PCDH7: variants seen among roughly 807,000 people sequenced by gnomAD.
The protein encoded by PCDH7 is protocadherin-7.
A neutral mutation model predicts 58.9 loss-of-function variants in PCDH7; 17 were observed. The observed-to-expected ratio is 0.29, with a 90% CI of 0.20 to 0.43. PCDH7 has a LOEUF of 0.43. Among genes scored for constraint, PCDH7 ranks in the 20% least tolerant of loss-of-function variants. The probability of loss-of-function intolerance (pLI) is 1.00; values close to 1 mark genes in which losing one functional copy is unlikely to be tolerated. For missense variants in PCDH7, 1,274 were observed against 1,441.0 expected (o/e 0.88, Z 1.88); for synonymous variants, 664 against 616.4 (o/e 1.08, Z -1.14).
chr4:30,739,155 A>ATC (rs1716735043), intron 1 of PCDH7, among the ~76,000 whole-genome samples: 1 of 146,062 alleles, frequency 6.8e-6, no homozygotes, highest in African/African-American at 2.5e-5. Context: ...TATTTTATAT[A>ATC]TATATTATAT....
chr4:31,084,003 G>A (rs2109273693), intron 3 of PCDH7, among the ~76,000 whole-genome samples: 1 of 152,142 alleles, frequency 6.6e-6, no homozygotes, highest in African/African-American at 2.4e-5. Context: ...TGTGTTCTGG[G>A]TCAATACTTT....
intron 3 of PCDH7, among the ~76,000 whole-genome samples, chr4:31,093,564 A>G (rs963745676): frequency 6.7e-6 from 1 of 150,136 alleles, no homozygotes; most frequent in Admixed American, 6.7e-5. Flanking sequence ...GAATTTATAG[A>G]AATAAAGTGC....
chr4:31,132,400 A>T (rs2109337786), intron 3 of PCDH7, among the ~76,000 whole-genome samples: 1 of 152,228 alleles, frequency 6.6e-6, no homozygotes, highest in Non-Finnish European at 1.5e-5. Context: ...AGGAGACTTT[A>T]TGTACTATTT....
At chr4:31,113,465 T>C (rs920811608) in intron 3 of PCDH7, among the ~76,000 whole-genome samples, 2 of 152,218 alleles carry the variant, frequency 1.3e-5, no homozygotes, top group African/African-American at 2.4e-5. Flanking sequence ...ATGTAGGACA[T>C]GTTGGTAATA....
intron 3 of PCDH7, among the ~76,000 whole-genome samples, chr4:31,009,857 T>A (rs1021841373): frequency 6.6e-6 from 1 of 151,948 alleles, no homozygotes; most frequent in Non-Finnish European, 1.5e-5. Flanking sequence ...GAGGTAAAGA[T>A]GAATTTTCTA....
intron 1 of PCDH7, among the ~76,000 whole-genome samples, chr4:30,835,212 G>A (rs1179031509): frequency 6.6e-6 from 1 of 151,970 alleles, no homozygotes; most frequent in Non-Finnish European, 1.5e-5. Flanking sequence ...ATTGAGACAG[G>A]GATCCCAACC....
chr4:31,088,702 G>GT (rs1405364478), intron 3 of PCDH7, among the ~76,000 whole-genome samples: 1 of 151,942 alleles, frequency 6.6e-6, no homozygotes, highest in Admixed American at 6.6e-5. Context: ...TTAAAAGAGT[G>GT]TATTTGTTTT....
At chr4:31,010,366 T>G (rs2109150963) in intron 3 of PCDH7, among the ~76,000 whole-genome samples, 1 of 152,100 alleles carries the variant, frequency 6.6e-6, no homozygotes, top group Non-Finnish European at 1.5e-5. Context: ...TGCTTGTTTT[T>G]TGCTTTCTGT....
At chr4:30,852,014 G>A (rs150072002) in intron 1 of PCDH7, among the ~76,000 whole-genome samples, 1 of 152,116 alleles carries the variant, frequency 6.6e-6, no homozygotes, top group African/African-American at 2.4e-5. Context: ...TCAATGGAAA[G>A]CAATAGATAA....
intron 3 of PCDH7, among the ~76,000 whole-genome samples, chr4:31,089,492 A>G (rs981533247): frequency 2.0e-5 from 3 of 152,036 alleles, no homozygotes; most frequent in African/African-American, 7.2e-5. Context: ...TAATCTCTGT[A>G]CTGAAAAGTG....
At chr4:31,053,788 G>A (rs763218453) in intron 3 of PCDH7, among the ~76,000 whole-genome samples, 2 of 151,760 alleles carry the variant, frequency 1.3e-5, no homozygotes, top group African/African-American at 2.4e-5. Context: ...ATTGGAGTTG[G>A]TAGTTACATA....
intron 3 of PCDH7, among the ~76,000 whole-genome samples, chr4:31,036,257 C>T (rs1354099668): frequency 6.6e-6 from 1 of 152,154 alleles, no homozygotes; most frequent in African/African-American, 2.4e-5. Context: ...GCAATCTCAG[C>T]TCACTGCAAC....
intron 3 of PCDH7, among the ~76,000 whole-genome samples, chr4:31,099,004 C>T (rs1167460918): frequency 3.9e-5 from 6 of 152,144 alleles, no homozygotes; most frequent in African/African-American, 1.4e-4. Flanking sequence ...TGGATTAGAG[C>T]CCCACCCTTA....
intron 1 of PCDH7, among the ~76,000 whole-genome samples, chr4:30,898,634 A>G (rs1453192715): frequency 6.6e-6 from 1 of 152,210 alleles, no homozygotes; most frequent in Non-Finnish European, 1.5e-5. Flanking sequence ...TCTGTCGCCC[A>G]GGCTGGAGTG....
At position 30,855,562 on chromosome 4, in the gene PCDH7, A is replaced by T. The variant is rs1399684587; in HGVS notation, c.71-64591A>T. ...TCTCTTGAAATCTGGCTTCTCTGTAACCTGCTGCTACCACATTTACTCTAT... is the reference window on the plus strand; with the variant it reads ...TCTCTTGAAATCTGGCTTCTCTGTATCCTGCTGCTACCACATTTACTCTAT... On this transcript the variant is annotated intron_variant, in intron 1 of 3. Coordinates refer to the PCDH7 transcript ENST00000509759. Among the ~76,000 whole-genome samples, 4 of 152,092 alleles carry T rather than the reference A, an allele frequency of 2.6e-5. No individual in the cohort carries two copies. In the East Asian group the frequency reaches 5.8e-4, roughly 22 times the overall value.
At chr4:30,915,296 C>A (rs1742299025) in intron 1 of PCDH7, among the ~76,000 whole-genome samples, 1 of 152,130 alleles carries the variant, frequency 6.6e-6, no homozygotes, top group Admixed American at 6.5e-5. Flanking sequence ...GATTGACAAG[C>A]CAATCTTCTA....
intron 1 of PCDH7, among the ~76,000 whole-genome samples, chr4:30,917,618 A>T (rs2109412154): frequency 6.6e-6 from 1 of 152,098 alleles, no homozygotes; most frequent in East Asian, 1.9e-4. Flanking sequence ...ATAAATAGAT[A>T]AAAATATTTT....
chr4:31,032,271 C>A (rs149678395), intron 3 of PCDH7, among the ~76,000 whole-genome samples: 2 of 152,138 alleles, frequency 1.3e-5, no homozygotes, highest in African/African-American at 2.4e-5. Context: ...TCTTTTTCAA[C>A]GCCAAAATAA....
At chr4:31,067,544 C>T (rs1758192697) in intron 3 of PCDH7, among the ~76,000 whole-genome samples, 1 of 151,772 alleles carries the variant, frequency 6.6e-6, no homozygotes, top group Admixed American at 6.6e-5. Context: ...AGCATAGTGT[C>T]AGTAGGTATT....
Sources: gnomAD v4.1 joint callset for allele counts (sites outside exome capture counted in the v4.1 genomes callset) on GRCh38, gnomAD v4.1.1 for gene constraint, MANE v1.5 for transcripts, NCBI Gene and HGNC (gene_info 2026-07-23, HGNC 2026-07-21) for gene names.